The following CCDC15 variants were observed in gnomAD, a reference collection of about 807,000 sequenced individuals.
CCDC15 encodes the protein coiled-coil domain-containing protein 15.
In CCDC15, 105 loss-of-function variants were observed where a neutral mutation model predicts 114.5. The ratio of observed to expected loss-of-function variants is 0.92; its 90% CI spans 0.78 to 1.08. The LOEUF is 1.08. Among genes scored for constraint, CCDC15 ranks in the 50% least tolerant of loss-of-function variants. CCDC15 has a pLI of 0.00. For missense variants in CCDC15, 1,105 were observed against 1,093.6 expected, an observed-to-expected ratio of 1.01 and a Z score of -0.15; for synonymous variants, 334 against 377.8, an observed-to-expected ratio of 0.88 and a Z score of 1.34.
At chr11:124,992,981 T>C (rs1948295846) in intron 10 of CCDC15, among the ~76,000 whole-genome samples, 188 bp from the exon 11 acceptor site, 1 of 151,932 alleles carries the variant, frequency 6.6e-6, no homozygotes, top group Non-Finnish European at 1.5e-5. Context: ...AGATTCATTA[T>C]ACTTTTTTTT....
chr11:124,992,710 G>C (rs770707806), intron 10 of CCDC15, 23 bp downstream of exon 10: 19 of 1,247,346 alleles, frequency 1.5e-5, no homozygotes, highest in Non-Finnish European at 1.8e-5. Context: ...ACAGTAGGAG[G>C]ACTGTATACC....
chr11:124,971,074 C>A (rs948528090), intron 4 of CCDC15, among the ~76,000 whole-genome samples: 2 of 152,122 alleles, frequency 1.3e-5, no homozygotes, highest in Non-Finnish European at 2.9e-5. Flanking sequence ...CTAAGGCCGC[C>A]CCTTTAATAG....
chr11:124,990,725 C>G (rs554776353), intron 8 of CCDC15, among the ~76,000 whole-genome samples: 1 of 152,110 alleles, frequency 6.6e-6, no homozygotes, highest in South Asian at 2.1e-4. Flanking sequence ...ATTTTGTGAA[C>G]AATTTAATTT....
chr11:125,004,205 A>G (rs942967615), intron 12 of CCDC15, among the ~76,000 whole-genome samples: 5 of 151,870 alleles, frequency 3.3e-5, no homozygotes, highest in African/African-American at 1.2e-4. Flanking sequence ...GCTAATGTAT[A>G]TTTGCCACTA....
intron 6 of CCDC15, among the ~76,000 whole-genome samples, chr11:124,983,259 T>C (rs1041302567): frequency 6.6e-6 from 1 of 152,238 alleles, no homozygotes; most frequent in Non-Finnish European, 1.5e-5. Flanking sequence ...TTTTTGTTCC[T>C]ATCCATGTTC....
chr11:125,026,542 T>C (rs983051342), intron 13 of CCDC15, among the ~76,000 whole-genome samples: 2 of 152,198 alleles, frequency 1.3e-5, no homozygotes, highest in Non-Finnish European at 2.9e-5. Flanking sequence ...TTTTTGGTCC[T>C]TTTGAAGGTG....
In CCDC15 at chr11:124,987,154, G is replaced by C. The variant is rs768285114; in HGVS notation, c.928G>C (p.Val310Leu). The C allele has an allele frequency of 1.3e-6, 2 of 1,515,100 alleles. No individual in the cohort carries two copies. Among genetic ancestry groups the C allele is most frequent in the Non-Finnish European group, 1.8e-6 (2 of 1,135,302 alleles). 93.9% of individuals were successfully genotyped at this position (1,515,100 alleles called of 1,614,324 possible). A position where few individuals can be genotyped will look rare whatever the true frequency, so the allele number is the denominator to read the frequency against. The change falls in exon 8 of 16, where the codon GTT becomes CTT. Residue 310 changes from valine to leucine, a missense_variant. Val to Leu is a conservative substitution (Grantham distance 32, BLOSUM62 1). Transcript: ENST00000344762. ...AGTAAAATTCAAAAATCCATTATTT[G>C]TTCTGATGGAAGAGGAAGAACAAAA... ...QKVKFKNPLF[V>L]LMEEEEQKQL...
At chr11:125,023,623 T>TA (rs1222865006) in intron 13 of CCDC15, among the ~76,000 whole-genome samples, 1 of 151,912 alleles carries the variant, frequency 6.6e-6, no homozygotes, top group African/African-American at 2.4e-5. Context: ...GGCTATAATT[T>TA]AAAAAACGAC....
chr11:125,025,990 T>G (rs180968332), intron 13 of CCDC15, among the ~76,000 whole-genome samples: 39 of 152,214 alleles, frequency 2.6e-4, no homozygotes, highest in African/African-American at 9.4e-4. Flanking sequence ...TCCTTTTCTC[T>G]CCTCTCCTCA....
chr11:125,041,066 C>A lies in CCDC15; in HGVS notation c.*355C>A, dbSNP rs148672160. ...AACTGTGTTTTTGAGCTTGACAGTA[C>A]TGAAAATGTCTGGATGAAGCAGAAA... On this transcript the variant is annotated 3_prime_UTR_variant, in exon 16 of 16. Coordinates refer to ENST00000344762, the MANE Select transcript of CCDC15 (RefSeq NM_025004.3). 39 of 165,932 alleles carry A rather than the reference C, an allele frequency of 2.4e-4. No homozygotes were observed. Among genetic ancestry groups the A allele is most frequent in the African/African-American group, 9.3e-4 (39 of 42,126 alleles). 10.3% of individuals were successfully genotyped at this position (165,932 alleles called of 1,614,324 possible).
intron 13 of CCDC15, among the ~76,000 whole-genome samples, chr11:125,033,403 G>A (rs1249353277): frequency 3.9e-5 from 6 of 152,068 alleles, no homozygotes; most frequent in South Asian, 2.1e-4. Flanking sequence ...CTGCCATCTC[G>A]GGATCCAATT....
At chr11:124,971,015 T>C (rs1225597228) in intron 4 of CCDC15, among the ~76,000 whole-genome samples, 1 of 152,172 alleles carries the variant, frequency 6.6e-6, no homozygotes, top group Non-Finnish European at 1.5e-5. Context: ...ATTTGACATA[T>C]TACTACACAA....
At chr11:125,033,542 C>G (rs986434171) in intron 13 of CCDC15, among the ~76,000 whole-genome samples, 3 of 152,134 alleles carry the variant, frequency 2.0e-5, no homozygotes, top group Admixed American at 1.3e-4. Context: ...CCTCACAAAT[C>G]TATTTTGGAA....
In CCDC15 at chr11:124,987,772, G is replaced by C; in HGVS notation, c.1546G>C (p.Val516Leu). Residue 516 changes from valine to leucine, a missense_variant, in exon 8 of 16, where the codon GTT becomes CTT. By Grantham distance (32) the Val-to-Leu change is conservative (BLOSUM62 1). Transcript: ENST00000344762. ...GAATTTTTTGTCTAGAGACCAGCAT[G>C]TTCTCCCCAAAGACCAGAATATTCT... ...DQNFLSRDQH[V>L]LPKDQNILPK... 1 of 1,613,920 alleles carries C rather than the reference G, an allele frequency of 6.2e-7. No homozygotes were observed. The highest frequency in any genetic ancestry group is 1.1e-5 in the South Asian group (1 of 91,084).
At chr11:125,007,293 A>G (rs910515174) in intron 13 of CCDC15, among the ~76,000 whole-genome samples, 6 of 152,118 alleles carry the variant, frequency 3.9e-5, no homozygotes, top group Non-Finnish European at 1.5e-5. Flanking sequence ...CTATGGGATC[A>G]GCTTTTTTAG....
chr11:124,989,192 G>T (rs966451633), intron 8 of CCDC15, among the ~76,000 whole-genome samples: 1 of 152,212 alleles, frequency 6.6e-6, no homozygotes, highest in African/African-American at 2.4e-5. Flanking sequence ...TAGCAGCCAT[G>T]AAAAAACAAC....
intron 13 of CCDC15, among the ~76,000 whole-genome samples, chr11:125,028,798 G>T (rs185184818): frequency 6.6e-6 from 1 of 152,066 alleles, no homozygotes; most frequent in Non-Finnish European, 1.5e-5. Context: ...TCTCTTGCCC[G>T]ATCACTCTGG....
In CCDC15 at chr11:124,954,906, A is replaced by G. The variant is rs759515014; in HGVS notation, c.174A>G (p.Ala58=). Residue 58 remains alanine, a synonymous_variant, in exon 2 of 16, where the codon GCA becomes GCG. Coordinates refer to ENST00000344762, the MANE Select transcript of CCDC15 (RefSeq NM_025004.3). ...PASPGSSEIP[A]YTSAYLIEEE... Reference sequence around the variant, plus strand: ...CACCAGGTAGTTCGGAAATCCCAGCATATGTGAGTGTCAGTTTGATCCAAA... The same window carrying G: ...CACCAGGTAGTTCGGAAATCCCAGCGTATGTGAGTGTCAGTTTGATCCAAA... 4.3e-6 allele frequency: 7 copies of G among 1,613,804 alleles called. No homozygotes were observed. The highest frequency in any genetic ancestry group is 5.1e-6 in the Non-Finnish European group (6 of 1,179,816).
At chr11:124,992,750 T>C in intron 10 of CCDC15, 63 bp downstream of exon 10, 2 of 922,562 alleles carry the variant, frequency 2.2e-6, no homozygotes, top group African/African-American at 1.7e-5. Flanking sequence ...CTAAATCATA[T>C]TAACATTGAG....
Sources: gnomAD v4.1 joint callset for allele counts (sites outside exome capture counted in the v4.1 genomes callset) on GRCh38, gnomAD v4.1.1 for gene constraint, MANE v1.5 for transcripts, NCBI Gene and HGNC (gene_info 2026-07-23, HGNC 2026-07-21) for gene names.